Variants in DLG2 observed in about 807,000 individuals in gnomAD.
The protein encoded by DLG2 is disks large homolog 2.
Under a neutral mutation model 132.5 loss-of-function variants are expected in DLG2, and 45 were observed. The observed-to-expected ratio is 0.34, with a 90% CI of 0.27 to 0.44. The LOEUF (loss-of-function observed/expected upper bound fraction) is 0.44, where lower values mean the gene tolerates loss of function less well. DLG2 is among the 20% of genes least tolerant of loss of function. DLG2 has a pLI of 1.00. For synonymous variants in DLG2, 424 were observed against 419.6 expected, an observed-to-expected ratio of 1.01 and a Z score of -0.13; for missense variants, 1,045 against 1,196.9, an observed-to-expected ratio of 0.87 and a Z score of 1.87.
At chr11:85,013,804 A>C (rs1334524959) in intron 6 of DLG2, among the ~76,000 whole-genome samples, 1 of 152,184 alleles carries the variant, frequency 6.6e-6, no homozygotes, top group Non-Finnish European at 1.5e-5. Flanking sequence ...CCTAATGTGA[A>C]ATACTGGCAG....
chr11:83,939,403 A>C (rs2082172829), intron 14 of DLG2, among the ~76,000 whole-genome samples: 1 of 152,196 alleles, frequency 6.6e-6, no homozygotes, highest in South Asian at 2.1e-4. Flanking sequence ...CTTAGCCAGT[A>C]CTATGAAACC....
chr11:84,969,543 C>T (rs754140345), intron 6 of DLG2, among the ~76,000 whole-genome samples: 4 of 152,106 alleles, frequency 2.6e-5, no homozygotes, highest in Non-Finnish European at 4.4e-5. Context: ...TGGGGAGTTC[C>T]GTTTATTTTT....
intron 6 of DLG2, among the ~76,000 whole-genome samples, chr11:84,683,318 T>G (rs1343435751): frequency 6.6e-6 from 1 of 152,216 alleles, no homozygotes; most frequent in African/African-American, 2.4e-5. Context: ...CTTACTCTCC[T>G]ATGCCTGTGG....
chr11:83,865,891 C>T (rs1478961933), intron 16 of DLG2, among the ~76,000 whole-genome samples: 1 of 152,112 alleles, frequency 6.6e-6, no homozygotes, highest in Admixed American at 6.6e-5. Context: ...ATGTTGTTCT[C>T]ATCTGTGCTC....
chr11:83,717,909 G>A (rs2087145841), intron 18 of DLG2, among the ~76,000 whole-genome samples: 1 of 152,174 alleles, frequency 6.6e-6, no homozygotes, highest in Non-Finnish European at 1.5e-5. Flanking sequence ...TATCTTTTCT[G>A]TGTCCAAATG....
intron 21 of DLG2, among the ~76,000 whole-genome samples, chr11:83,511,073 A>AACACACACACACACACACACAC (rs142149345): frequency 2.3e-5 from 2 of 88,406 alleles, no homozygotes; most frequent in Admixed American, 1.0e-4. Flanking sequence ...CACTTGCTCA[A>AACACACACACACACACACACAC]ACACACACAC....
At chr11:85,256,559 C>G (rs943589180) in intron 4 of DLG2, among the ~76,000 whole-genome samples, 1 of 152,150 alleles carries the variant, frequency 6.6e-6, no homozygotes, top group African/African-American at 2.4e-5. Context: ...CACTTGGGCT[C>G]CAGGAGTCGC....
intron 6 of DLG2, chr11:84,546,548 G>A: frequency 2.7e-6 from 1 of 368,362 alleles, no homozygotes; most frequent in South Asian, 2.4e-5. Flanking sequence ...AGTTAAGTAG[G>A]CAACTAGTCT....
chr11:83,790,446 CT>C, intron 17 of DLG2: 2 of 1,149,378 alleles, frequency 1.7e-6, no homozygotes, highest in South Asian at 1.3e-5. Context: ...TTTGCAAGAT[CT>C]TTTTAGCTCC....
At chr11:85,529,446 A>G (rs776706106) in intron 3 of DLG2, among the ~76,000 whole-genome samples, 4 of 152,094 alleles carry the variant, frequency 2.6e-5, no homozygotes, top group Non-Finnish European at 5.9e-5. Context: ...AGAAATATCT[A>G]TTTTTTATCT....
chr11:85,514,754 T>C (rs1453683621), intron 3 of DLG2, among the ~76,000 whole-genome samples: 1 of 151,884 alleles, frequency 6.6e-6, no homozygotes, highest in Non-Finnish European at 1.5e-5. Flanking sequence ...TTGCTTACCT[T>C]TCTTTTCATA....
At chr11:83,838,229 T>A (rs1236352801) in intron 16 of DLG2, among the ~76,000 whole-genome samples, 3 of 152,170 alleles carry the variant, frequency 2.0e-5, no homozygotes, top group Non-Finnish European at 4.4e-5. Context: ...GATAGATGGG[T>A]AGGTATGTGA....
At chr11:83,641,359 A>G (rs2066455045) in intron 18 of DLG2, among the ~76,000 whole-genome samples, 1 of 152,198 alleles carries the variant, frequency 6.6e-6, no homozygotes, top group Non-Finnish European at 1.5e-5. Context: ...AATTTCAAGA[A>G]GCAATGCTTT....
intron 6 of DLG2, among the ~76,000 whole-genome samples, chr11:84,854,618 G>T (rs553592490): frequency 6.6e-6 from 1 of 151,886 alleles, no homozygotes; most frequent in Admixed American, 6.6e-5. Context: ...TTGTACTCAC[G>T]GGGAATTCCA....
At chr11:84,328,879 T>C (rs1031096189) in intron 7 of DLG2, among the ~76,000 whole-genome samples, 53 of 152,348 alleles carry the variant, frequency 3.5e-4, no homozygotes, top group African/African-American at 1.3e-3. Context: ...CCTCTGGGCT[T>C]ATATCATTTT....
chr11:84,747,427 A>AG (rs1370122301), intron 6 of DLG2, among the ~76,000 whole-genome samples: 4 of 152,232 alleles, frequency 2.6e-5, no homozygotes, highest in South Asian at 2.1e-4. Flanking sequence ...ATTTTGAGGC[A>AG]GAAAAAAAAG....
intron 3 of DLG2, among the ~76,000 whole-genome samples, chr11:85,476,329 T>C (rs1332099520): frequency 7.1e-6 from 1 of 140,168 alleles, no homozygotes; most frequent in Non-Finnish European, 1.6e-5. Context: ...TCTGGGTGAG[T>C]CAGTAAAGGA....
chr11:84,451,063 T>G (rs2099050229), intron 7 of DLG2, among the ~76,000 whole-genome samples: 1 of 151,814 alleles, frequency 6.6e-6, no homozygotes, highest in Non-Finnish European at 1.5e-5. Flanking sequence ...CTGTAAAATT[T>G]GACTGCTGCT....
chr11:84,956,525 A>G lies in DLG2; in HGVS notation c.357+155136T>C, dbSNP rs532057683. Among the ~76,000 whole-genome samples, 395 of 152,284 alleles carry G rather than the reference A, an allele frequency of 2.6e-3. 1 individual carries two copies. Among genetic ancestry groups the G allele is most frequent in the Non-Finnish European group, 3.1e-3 (209 of 68,014 alleles). ...CACAGTAGGTCTTGGCCAAGATCAC[A>G]TGCTAAGCCTAGGTCATAATCTTGC... is the stretch of plus-strand genomic sequence containing the variant. On this transcript the variant is annotated intron_variant, in intron 6 of 27. Coordinates refer to ENST00000376104, the MANE Select transcript of DLG2 (RefSeq NM_001142699.3).
Sources: allele counts gnomAD v4.1 joint callset (sites outside exome capture counted in the v4.1 genomes callset), GRCh38; gene constraint gnomAD v4.1.1; transcripts MANE v1.5; gene names NCBI Gene and HGNC (gene_info 2026-07-23, HGNC 2026-07-21).